LRRC7: variants seen among roughly 807,000 people sequenced by gnomAD.
The protein encoded by LRRC7 is leucine-rich repeat-containing protein 7.
LRRC7 carries 23 observed loss-of-function variants against 175.7 expected under a neutral mutation model. That is an observed-to-expected ratio of 0.13 (90% CI 0.09 to 0.19). LRRC7 has a LOEUF of 0.19. Among genes scored for constraint, LRRC7 ranks in the 10% least tolerant of loss-of-function variants. LRRC7 has a pLI of 1.00. For synonymous variants in LRRC7, 685 were observed against 680.9 expected (o/e 1.01, Z -0.09); for missense variants, 1,354 against 1,904.7 (o/e 0.71, Z 5.38).
At chr1:69,749,071 C>T (rs1669550311) in intron 2 of LRRC7, among the ~76,000 whole-genome samples, 1 of 152,094 alleles carries the variant, frequency 6.6e-6, no homozygotes. Flanking sequence ...TGAACTTTGG[C>T]TAATTTTAAC....
chr1:69,987,544 T>C (rs933902773), intron 10 of LRRC7, among the ~76,000 whole-genome samples: 1 of 152,198 alleles, frequency 6.6e-6, no homozygotes, highest in African/African-American at 2.4e-5. Context: ...CAAGCCAACT[T>C]GTGACTTGCC....
intron 26 of LRRC7, among the ~76,000 whole-genome samples, chr1:70,119,646 G>T (rs531344652): frequency 7.6e-6 from 1 of 130,846 alleles, no homozygotes; most frequent in South Asian, 2.7e-4. Context: ...TACCAATTTC[G>T]CCCTTAACAC....
chr1:70,065,832 G>A (rs1312528447), intron 23 of LRRC7, among the ~76,000 whole-genome samples: 2 of 152,052 alleles, frequency 1.3e-5, no homozygotes, highest in African/African-American at 2.4e-5. Flanking sequence ...CTCAACATCT[G>A]AAACAAAATG....
chr1:69,713,541 A>G (rs2100742979), intron 2 of LRRC7, among the ~76,000 whole-genome samples: 1 of 152,088 alleles, frequency 6.6e-6, no homozygotes, highest in African/African-American at 2.4e-5. Flanking sequence ...TTTAACTATG[A>G]GATGTTAAGT....
At chr1:69,967,145 G>A (rs562712722) in intron 8 of LRRC7, among the ~76,000 whole-genome samples, 3 of 152,104 alleles carry the variant, frequency 2.0e-5, no homozygotes, top group South Asian at 4.1e-4. Flanking sequence ...TTTGAATTGC[G>A]TGGGAGGTGG....
At chr1:70,025,301 T>G (rs1388316460) in intron 17 of LRRC7, among the ~76,000 whole-genome samples, 1 of 150,932 alleles carries the variant, frequency 6.6e-6, no homozygotes, top group Non-Finnish European at 1.5e-5. Flanking sequence ...ATAGAATTAA[T>G]AATAATGTTT....
At chr1:69,770,502 T>G (rs557599864) in intron 3 of LRRC7, among the ~76,000 whole-genome samples, 2 of 152,312 alleles carry the variant, frequency 1.3e-5, no homozygotes, top group Admixed American at 1.3e-4. Flanking sequence ...TCTCAAAACT[T>G]GAATGATCAT....
At chr1:69,767,712 T>C (rs569836331) in intron 3 of LRRC7, among the ~76,000 whole-genome samples, 11 of 152,304 alleles carry the variant, frequency 7.2e-5, no homozygotes, top group Non-Finnish European at 1.3e-4. Context: ...TCCTACTGCG[T>C]TGGCCTCCCA....
chr1:70,116,286 G>A (rs1181384765), intron 26 of LRRC7, among the ~76,000 whole-genome samples: 2 of 152,104 alleles, frequency 1.3e-5, no homozygotes, highest in Admixed American at 6.5e-5. Flanking sequence ...GGTGGCTCAC[G>A]CCTGTAATCC....
chr1:69,842,640 G>A (rs1681854879), intron 7 of LRRC7, among the ~76,000 whole-genome samples: 1 of 152,078 alleles, frequency 6.6e-6, no homozygotes, highest in African/African-American at 2.4e-5. Context: ...TTGGGAAAGT[G>A]GATGGATTTG....
intron 7 of LRRC7, among the ~76,000 whole-genome samples, chr1:69,842,961 G>A (rs1246734517): frequency 6.6e-6 from 1 of 152,074 alleles, no homozygotes; most frequent in African/African-American, 2.4e-5. Context: ...CACTTTGGGA[G>A]ACCAAGGCAG....
intron 7 of LRRC7, among the ~76,000 whole-genome samples, chr1:69,852,352 A>T (rs1683082652): frequency 6.6e-6 from 1 of 152,096 alleles, no homozygotes; most frequent in Non-Finnish European, 1.5e-5. Flanking sequence ...TAGTGCCTAG[A>T]CTCATGCCAA....
Position 70,038,656 on chromosome 1 carries a change from T to C in LRRC7, c.2832T>C (p.Ser944=). ...YHDSNPNRSL[S]NVFSQIHCRP... ...ATTCCAATCCCAACAGGAGTCTTAG[T>C]AATGTCTTTTCTCAAATCCACTGCC... Residue 944 remains serine, a synonymous_variant, in exon 21 of 27, where the codon AGT becomes AGC. Coordinates refer to ENST00000651989, the MANE Select transcript of LRRC7 (RefSeq NM_001370785.2). 6.2e-7 allele frequency: 1 copy of C among 1,614,150 alleles called. No homozygotes were observed. The highest frequency in any genetic ancestry group is 8.5e-7 in the Non-Finnish European group (1 of 1,180,012).
intron 23 of LRRC7, among the ~76,000 whole-genome samples, chr1:70,069,719 C>T (rs891456651): frequency 2.0e-5 from 3 of 152,162 alleles, no homozygotes; most frequent in African/African-American, 7.2e-5. Flanking sequence ...TTCTCTTCTC[C>T]TCATGATAAC....
chr1:69,994,777 T>G (rs1654771799), intron 11 of LRRC7, 144 bp downstream of exon 11: 1 of 513,410 alleles, frequency 1.9e-6, no homozygotes, highest in South Asian at 3.5e-5. Flanking sequence ...ATATTTTATT[T>G]ATATATATTT....
chr1:70,003,878 A>G (rs1655758047), intron 11 of LRRC7, among the ~76,000 whole-genome samples: 1 of 152,152 alleles, frequency 6.6e-6, no homozygotes, highest in Non-Finnish European at 1.5e-5. Context: ...TAATGAATGA[A>G]GCTATTCTCT....
chr1:69,969,232 C>T (rs573138678), intron 8 of LRRC7, among the ~76,000 whole-genome samples: 8 of 152,192 alleles, frequency 5.3e-5, no homozygotes, highest in Non-Finnish European at 8.8e-5. Context: ...AAAAAACCAA[C>T]GTATACAGGC....
At chr1:69,889,659 T>A (rs1281242908) in intron 7 of LRRC7, among the ~76,000 whole-genome samples, 1 of 152,104 alleles carries the variant, frequency 6.6e-6, no homozygotes, top group East Asian at 1.9e-4. Flanking sequence ...TATACAAAAT[T>A]AGCTAGGTGT....
At chr1:70,106,582 T>A (rs1164686202) in intron 25 of LRRC7, among the ~76,000 whole-genome samples, 1 of 152,160 alleles carries the variant, frequency 6.6e-6, no homozygotes, top group Admixed American at 6.6e-5. Flanking sequence ...CTTATCACAA[T>A]CATGTTTAAA....
Sources: allele counts gnomAD v4.1 joint callset (sites outside exome capture counted in the v4.1 genomes callset), GRCh38; gene constraint gnomAD v4.1.1; transcripts MANE v1.5; gene names NCBI Gene and HGNC (gene_info 2026-07-23, HGNC 2026-07-21).